Variants in WDR70 observed in about 807,000 individuals in gnomAD.
WDR70 encodes the protein WD repeat domain 70.
WDR70 carries 53 observed loss-of-function variants against 88.6 expected under a neutral mutation model. That is an observed-to-expected ratio of 0.60 (90% CI 0.48 to 0.75). The LOEUF is 0.75. Among genes scored for constraint, WDR70 ranks in the 30% least tolerant of loss-of-function variants. The pLI is 0.00. For missense variants in WDR70, 610 were observed against 823.2 expected (o/e 0.74, Z 3.17); for synonymous variants, 280 against 270.0 (o/e 1.04, Z -0.36).
At chr5:37,506,836 A>G (rs762188642) in intron 8 of WDR70, 7 of 1,280,470 alleles carry the variant, frequency 5.5e-6, no homozygotes, top group Non-Finnish European at 8.0e-6. Flanking sequence ...GCTGCTGTTC[A>G]GGAACAGGGT....
At chr5:37,585,291 CCTT>C (rs1743334820) in intron 9 of WDR70, among the ~76,000 whole-genome samples, 1 of 152,072 alleles carries the variant, frequency 6.6e-6, no homozygotes, top group Admixed American at 6.6e-5. Flanking sequence ...CGCCCAGCCT[CCTT>C]GTCCATTTTT....
chr5:37,379,594 AG>A, intron 2 of WDR70, 40 bp downstream of exon 2: 2 of 1,607,976 alleles, frequency 1.2e-6, no homozygotes, highest in East Asian at 4.5e-5. Context: ...TTCCTTGTGC[AG>A]AGGTTTGAAG....
At chr5:37,427,368 G>A (rs1012932235) in intron 5 of WDR70, among the ~76,000 whole-genome samples, 6 of 148,796 alleles carry the variant, frequency 4.0e-5, no homozygotes, top group African/African-American at 1.2e-4. Context: ...CGGCCTGGGC[G>A]AAAGAGCGAG....
chr5:37,736,238 A>G (rs1320983664), intron 17 of WDR70, among the ~76,000 whole-genome samples: 1 of 152,168 alleles, frequency 6.6e-6, no homozygotes, highest in Non-Finnish European at 1.5e-5. Flanking sequence ...TCTGTCAACC[A>G]CGTCACTTTT....
chr5:37,725,738 G>A (rs1747952623), intron 16 of WDR70, among the ~76,000 whole-genome samples: 1 of 151,532 alleles, frequency 6.6e-6, no homozygotes, highest in Non-Finnish European at 1.5e-5. Flanking sequence ...TTGGATTATT[G>A]TGAACCCTTC....
At chr5:37,597,310 T>G (rs1205814993) in intron 9 of WDR70, among the ~76,000 whole-genome samples, 2 of 152,236 alleles carry the variant, frequency 1.3e-5, no homozygotes, top group African/African-American at 4.8e-5. Flanking sequence ...ATTCCCACAA[T>G]CAATGTATGC....
At chr5:37,411,336 A>AT (rs1561841824) in intron 5 of WDR70, among the ~76,000 whole-genome samples, 1 of 152,228 alleles carries the variant, frequency 6.6e-6, no homozygotes, top group East Asian at 1.9e-4. Context: ...AGTTGTATAT[A>AT]TTATGTGAAA....
intron 7 of WDR70, among the ~76,000 whole-genome samples, chr5:37,455,562 A>G (rs147541619): frequency 1.3e-3 from 195 of 144,890 alleles, no homozygotes; most frequent in Non-Finnish European, 2.3e-3. Flanking sequence ...TTTTGGGAGT[A>G]TAGGCTATTT....
chr5:37,738,370 C>T (rs1299055994), intron 17 of WDR70, among the ~76,000 whole-genome samples: 1 of 152,156 alleles, frequency 6.6e-6, no homozygotes, highest in Non-Finnish European at 1.5e-5. Flanking sequence ...TACCCTGGAG[C>T]TCACTTTATG....
intron 10 of WDR70, among the ~76,000 whole-genome samples, chr5:37,691,773 T>G (rs964371307): frequency 4.6e-5 from 7 of 152,070 alleles, no homozygotes; most frequent in African/African-American, 9.7e-5. Context: ...GATCTAAAAT[T>G]GACACCCTAA....
intron 8 of WDR70, among the ~76,000 whole-genome samples, chr5:37,516,138 C>G (rs1740878387): frequency 6.6e-6 from 1 of 152,172 alleles, no homozygotes; most frequent in Non-Finnish European, 1.5e-5. Flanking sequence ...TCTTGATTCT[C>G]TTCCATTGAA....
chr5:37,530,942 A>G (rs1415530353), intron 9 of WDR70, among the ~76,000 whole-genome samples: 2 of 151,792 alleles, frequency 1.3e-5, no homozygotes, highest in African/African-American at 4.8e-5. Context: ...AATGCTATGA[A>G]CTTTCCTCTT....
At chr5:37,409,692 A>G (rs1436178118) in intron 5 of WDR70, among the ~76,000 whole-genome samples, 1 of 151,822 alleles carries the variant, frequency 6.6e-6, no homozygotes, top group Non-Finnish European at 1.5e-5. Context: ...TTTAGTAGAG[A>G]CGGGTTTTCA....
At chr5:37,612,318 C>T (rs981170307) in intron 10 of WDR70, among the ~76,000 whole-genome samples, 2 of 152,066 alleles carry the variant, frequency 1.3e-5, no homozygotes, top group African/African-American at 4.8e-5. Context: ...TAAATGTCTA[C>T]TGCATAGTCC....
chr5:37,627,725 G>T, intron 10 of WDR70, among the ~76,000 whole-genome samples: 1 of 151,956 alleles, frequency 6.6e-6, no homozygotes, highest in Admixed American at 6.6e-5. Context: ...TCCATGTGTT[G>T]GTATAGTTTT....
At chr5:37,621,442 C>T (rs1744502455) in intron 10 of WDR70, among the ~76,000 whole-genome samples, 1 of 152,030 alleles carries the variant, frequency 6.6e-6, no homozygotes, top group Non-Finnish European at 1.5e-5. Flanking sequence ...ATAAAGACAC[C>T]CCATACCTAT....
At chr5:37,666,150 C>T (rs769424157) in intron 10 of WDR70, among the ~76,000 whole-genome samples, 14 of 152,222 alleles carry the variant, frequency 9.2e-5, no homozygotes, top group South Asian at 6.2e-4. Context: ...GGTCATTCCA[C>T]GGCGCTGTGC....
At chr5:37,724,182 CT>C (rs1747904099) in intron 15 of WDR70, 1 of 152,054 alleles carries the variant, frequency 6.6e-6, no homozygotes, top group Non-Finnish European at 1.5e-5. Flanking sequence ...AATACTTCCC[CT>C]AATAACTCTT....
chr5:37,521,740 A>ACACACCCC (rs57080738), intron 9 of WDR70, among the ~76,000 whole-genome samples: 1 of 131,160 alleles, frequency 7.6e-6, no homozygotes, highest in Non-Finnish European at 1.7e-5. Flanking sequence ...ACACACACAC[A>ACACACCCC]CCCACATGTT....
Sources: allele counts gnomAD v4.1 joint callset (sites outside exome capture counted in the v4.1 genomes callset), GRCh38; gene constraint gnomAD v4.1.1; transcripts MANE v1.5; gene names NCBI Gene and HGNC (gene_info 2026-07-23, HGNC 2026-07-21).